PDE4D: variants seen among roughly 807,000 people sequenced by gnomAD.
PDE4D encodes the protein 3',5'-cyclic-AMP phosphodiesterase 4D.
Under a neutral mutation model 87.4 loss-of-function variants are expected in PDE4D, and 24 were observed. That is an observed-to-expected ratio of 0.27 (90% CI 0.20 to 0.39). PDE4D has a LOEUF of 0.39. Ranked by LOEUF, PDE4D falls within the 10% of genes least tolerant of loss-of-function variation. The pLI, the probability that PDE4D is intolerant of heterozygous loss-of-function variation, is 1.00. For synonymous variants in PDE4D, 384 were observed against 383.2 expected (o/e 1.00, Z -0.02); for missense variants, 714 against 1,041.0 (o/e 0.69, Z 4.32).
intron 2 of PDE4D, among the ~76,000 whole-genome samples, chr5:60,130,756 G>A (rs560606721): frequency 4.2e-4 from 64 of 152,248 alleles, no homozygotes; most frequent in African/African-American, 1.4e-3. Context: ...GCTAAATAGA[G>A]TCAAGACACA....
intron 1 of PDE4D, among the ~76,000 whole-genome samples, chr5:59,297,648 C>T (rs1415177109): frequency 6.6e-6 from 1 of 151,840 alleles, no homozygotes; most frequent in East Asian, 1.9e-4. Context: ...CTCCTATGTC[C>T]CCAGTACCTA....
intron 1 of PDE4D, among the ~76,000 whole-genome samples, chr5:59,546,215 A>G (rs942054712): frequency 2.0e-5 from 3 of 152,142 alleles, no homozygotes; most frequent in Admixed American, 1.3e-4. Context: ...AAATCTGAAA[A>G]AATGAGTACA....
At chr5:59,311,414 T>A (rs1581895097) in intron 1 of PDE4D, among the ~76,000 whole-genome samples, 1 of 136,704 alleles carries the variant, frequency 7.3e-6, no homozygotes, top group East Asian at 2.3e-4. Flanking sequence ...GGCACAAGCA[T>A]CACTTGAACC....
intron 1 of PDE4D, among the ~76,000 whole-genome samples, chr5:59,321,956 G>A (rs1399507016): frequency 2.6e-5 from 4 of 152,090 alleles, no homozygotes; most frequent in Non-Finnish European, 5.9e-5. Flanking sequence ...CTTTATTTAT[G>A]TATCCTTGAT....
intron 1 of PDE4D, among the ~76,000 whole-genome samples, chr5:59,737,221 C>T (rs896187690): frequency 1.3e-5 from 2 of 151,966 alleles, no homozygotes; most frequent in South Asian, 2.1e-4. Context: ...AAGTCGCATT[C>T]CTGGAAGTGA....
rs74493118 is a variant in PDE4D at position 59,100,652 on chromosome 5, T to G, written c.809-61681A>C. ...AGGAGCTACTCAATAGTTTGCTGAA[T>G]GAATGAATGTCAGTTTTCCTAAACA... On this transcript the variant is annotated intron_variant, in intron 5 of 14. Transcript: ENST00000340635. 5.9e-5 allele frequency among the ~76,000 whole-genome samples: 9 copies of G among 152,338 alleles called. No individual in the cohort carries two copies. In the East Asian group the frequency reaches 1.5e-3, roughly 26 times the overall value.
intron 1 of PDE4D, among the ~76,000 whole-genome samples, chr5:60,322,458 C>G (rs1396852062): frequency 1.3e-5 from 2 of 151,244 alleles, no homozygotes; most frequent in Non-Finnish European, 3.0e-5. Flanking sequence ...CTTTTCACAC[C>G]TTTACCTCTC....
At chr5:59,570,468 C>A (rs957007603) in intron 1 of PDE4D, among the ~76,000 whole-genome samples, 1 of 152,050 alleles carries the variant, frequency 6.6e-6, no homozygotes, top group Admixed American at 6.6e-5. Flanking sequence ...ATAAAATTTT[C>A]ACTTGTAAAT....
intron 5 of PDE4D, among the ~76,000 whole-genome samples, chr5:59,169,251 C>T (rs1454871123): frequency 1.3e-5 from 2 of 151,954 alleles, no homozygotes; most frequent in Admixed American, 1.3e-4. Context: ...TTTTTTAAGG[C>T]TGAAATGGGT....
chr5:59,816,022 T>C (rs960070308), intron 1 of PDE4D, among the ~76,000 whole-genome samples: 2 of 152,228 alleles, frequency 1.3e-5, no homozygotes, highest in African/African-American at 4.8e-5. Context: ...CACGAGTGAA[T>C]TCTTTCTTAC....
intron 5 of PDE4D, among the ~76,000 whole-genome samples, chr5:59,131,597 AACACACACAC>A (rs34161581): frequency 0.022 from 2,621 of 118,138 alleles, 43 homozygotes; most frequent in African/African-American, 0.062. Flanking sequence ...GCCAATTTAA[AACACACACAC>A]ACACACACAC....
At chr5:59,780,075 G>A (rs564261504) in intron 1 of PDE4D, among the ~76,000 whole-genome samples, 17 of 152,258 alleles carry the variant, frequency 1.1e-4, no homozygotes, top group East Asian at 7.7e-4. Flanking sequence ...TAAGAAGAGC[G>A]TCAGTGAGCC....
chr5:60,217,245 C>A (rs1270293886), intron 1 of PDE4D, among the ~76,000 whole-genome samples: 5 of 151,936 alleles, frequency 3.3e-5, no homozygotes, highest in African/African-American at 7.2e-5. Flanking sequence ...GGTTGCCAGA[C>A]AATGGGGACA....
At chr5:60,188,117 A>G (rs1784925384) in intron 1 of PDE4D, among the ~76,000 whole-genome samples, 1 of 152,206 alleles carries the variant, frequency 6.6e-6, no homozygotes, top group South Asian at 2.1e-4. Flanking sequence ...CCTCTCTCAA[A>G]TAATACATAT....
chr5:59,602,536 C>T (rs1020751906), intron 1 of PDE4D, among the ~76,000 whole-genome samples: 1 of 151,958 alleles, frequency 6.6e-6, no homozygotes, highest in Non-Finnish European at 1.5e-5. Context: ...AAAGATGACA[C>T]AAATGAATGC....
At chr5:59,750,250 A>G (rs1760242719) in intron 1 of PDE4D, among the ~76,000 whole-genome samples, 1 of 152,062 alleles carries the variant, frequency 6.6e-6, no homozygotes. Flanking sequence ...AAAACTTATG[A>G]TAGACTGTGT....
chr5:59,360,177 G>A lies in PDE4D; in HGVS notation c.456-144209C>T, dbSNP rs140221109. 1.7e-3 allele frequency among the ~76,000 whole-genome samples: 255 copies of A among 152,282 alleles called. 1 individual carries two copies. The highest frequency in any genetic ancestry group is 6.0e-3 in the African/African-American group (248 of 41,556). On this transcript the variant is annotated intron_variant, in intron 1 of 14. Transcript: ENST00000340635. Reference sequence around the variant, plus strand: ...AAAAATGAAACTCCCAAATTTGAGAGTGGGATAAGTTAAACGTAATCCACA... The same window carrying A: ...AAAAATGAAACTCCCAAATTTGAGAATGGGATAAGTTAAACGTAATCCACA...
chr5:59,173,451 T>C (rs761324407), intron 5 of PDE4D, among the ~76,000 whole-genome samples: 5 of 152,216 alleles, frequency 3.3e-5, no homozygotes, highest in Non-Finnish European at 7.3e-5. Flanking sequence ...TCCATGCATT[T>C]ATGCAAATCT....
chr5:59,738,344 A>C (rs1481257443), intron 1 of PDE4D, among the ~76,000 whole-genome samples: 1 of 152,180 alleles, frequency 6.6e-6, no homozygotes, highest in Non-Finnish European at 1.5e-5. Context: ...CAAATTTTGA[A>C]CAAAAAGAGT....
Sources: gnomAD v4.1 joint callset for allele counts (sites outside exome capture counted in the v4.1 genomes callset) on GRCh38, gnomAD v4.1.1 for gene constraint, MANE v1.5 for transcripts, NCBI Gene and HGNC (gene_info 2026-07-23, HGNC 2026-07-21) for gene names.